Variants in CDK14 observed in about 807,000 individuals in gnomAD.
CDK14 encodes cyclin dependent kinase 14.
CDK14 carries 34 observed loss-of-function variants against 60.7 expected under a neutral mutation model. That is an observed-to-expected ratio of 0.56 (90% CI 0.43 to 0.75). The LOEUF is 0.75. CDK14 is among the 30% of genes least tolerant of loss of function. The pLI, the probability that CDK14 is intolerant of heterozygous loss-of-function variation, is 0.00. For synonymous variants in CDK14, 197 were observed against 203.7 expected, an observed-to-expected ratio of 0.97 and a Z score of 0.28; for missense variants, 482 against 564.1, an observed-to-expected ratio of 0.85 and a Z score of 1.47.
At chr7:91,087,591 T>C (rs1048706157) in intron 12 of CDK14, among the ~76,000 whole-genome samples, 8 of 152,192 alleles carry the variant, frequency 5.3e-5, no homozygotes, top group Admixed American at 5.2e-4. Flanking sequence ...TATAAATTAC[T>C]GGGTACCTTA....
intron 10 of CDK14, among the ~76,000 whole-genome samples, chr7:91,033,063 T>G (rs1004093816): frequency 6.6e-6 from 1 of 152,184 alleles, no homozygotes; most frequent in African/African-American, 2.4e-5. Context: ...CTATGTATCA[T>G]TTTGACATAC....
At chr7:90,739,889 A>G (rs542301209) in intron 3 of CDK14, among the ~76,000 whole-genome samples, 2 of 152,190 alleles carry the variant, frequency 1.3e-5, no homozygotes, top group South Asian at 2.1e-4. Flanking sequence ...GGGTGATGGT[A>G]AAGTGTGACA....
intron 11 of CDK14, among the ~76,000 whole-genome samples, chr7:91,048,449 T>G (rs1458803105): frequency 6.6e-6 from 1 of 152,234 alleles, no homozygotes; most frequent in Non-Finnish European, 1.5e-5. Context: ...TAAATATTAA[T>G]GCATTGAGTA....
chr7:90,923,366 C>A (rs1294446943), intron 8 of CDK14, among the ~76,000 whole-genome samples: 1 of 152,136 alleles, frequency 6.6e-6, no homozygotes, highest in Non-Finnish European at 1.5e-5. Flanking sequence ...ATTTCGGCCT[C>A]CCAAAATGCT....
chr7:91,120,886 G>A (rs10275530), intron 14 of CDK14, among the ~76,000 whole-genome samples: 8,252 of 152,106 alleles, frequency 0.054, 379 homozygotes, highest in East Asian at 0.23. Flanking sequence ...CCATCCAAAT[G>A]CCTCAGCATG....
Position 90,971,609 on chromosome 7 carries a change from G to A in CDK14, c.948-12539G>A, listed in dbSNP as rs187836885. Among the ~76,000 whole-genome samples, 163 of 146,064 alleles carry A rather than the reference G, an allele frequency of 1.1e-3. 1 individual carries two copies. The highest frequency in any genetic ancestry group is 4.0e-3 in the African/African-American group (156 of 39,402). On this transcript the variant is annotated intron_variant, in intron 9 of 14. Coordinates refer to ENST00000380050, the MANE Select transcript of CDK14 (RefSeq NM_001287135.2). The stretch of plus-strand genomic sequence containing the variant: ...GGAGATCAGATTGTAGAAGTATTTA[G>A]GAATACTTAGGATGTAGACAACTTG...
chr7:90,687,647 G>C (rs1801465084), intron 2 of CDK14, among the ~76,000 whole-genome samples: 1 of 152,062 alleles, frequency 6.6e-6, no homozygotes, highest in East Asian at 1.9e-4. Context: ...AGAGGGTCTT[G>C]AAAACAAGGC....
At chr7:90,890,833 C>T (rs1562815434) in intron 6 of CDK14, among the ~76,000 whole-genome samples, 1 of 152,178 alleles carries the variant, frequency 6.6e-6, no homozygotes, top group Non-Finnish European at 1.5e-5. Context: ...TTGCCTCTAG[C>T]AGTAACAGTT....
intron 5 of CDK14, among the ~76,000 whole-genome samples, chr7:90,828,594 C>G (rs1403714642): frequency 1.3e-5 from 2 of 152,062 alleles, no homozygotes; most frequent in Non-Finnish European, 2.9e-5. Flanking sequence ...CTCCAGATCT[C>G]TCACACCTCT....
chr7:90,715,611 A>G (rs1802220778), intron 2 of CDK14, among the ~76,000 whole-genome samples: 1 of 151,620 alleles, frequency 6.6e-6, no homozygotes, highest in African/African-American at 2.4e-5. Flanking sequence ...TAAACCTGTA[A>G]ATCCTGTGGG....
Position 90,636,910 on chromosome 7 carries a change from G to C in CDK14, c.123+32661G>C, listed in dbSNP as rs1180517923. Among the ~76,000 whole-genome samples the C allele has an allele frequency of 1.8e-4, 27 of 150,720 alleles. 1 individual carries two copies. The highest frequency in any genetic ancestry group is 1.8e-3 in the Admixed American group (27 of 15,148). On this transcript the variant is annotated intron_variant, in intron 2 of 14. Transcript: ENST00000380050. Reference sequence around the variant, plus strand: ...TTATCCATTTCTTCTAGATTTTCTAGTTTATTTGCATAGAGGTGTTTGTAG... The same window carrying C: ...TTATCCATTTCTTCTAGATTTTCTACTTTATTTGCATAGAGGTGTTTGTAG...
intron 4 of CDK14, among the ~76,000 whole-genome samples, chr7:90,769,967 A>G (rs529035980): frequency 1.1e-3 from 172 of 152,348 alleles, no homozygotes; most frequent in African/African-American, 4.0e-3. Flanking sequence ...AATTTTCCTC[A>G]AAGTGGCCAA....
chr7:91,115,143 A>G (rs1242282738), intron 13 of CDK14, among the ~76,000 whole-genome samples: 6 of 152,144 alleles, frequency 3.9e-5, no homozygotes, highest in Admixed American at 3.9e-4. Flanking sequence ...GTGTTACAGA[A>G]CCAGTAAATG....
chr7:90,741,351 C>T (rs1402676753), intron 3 of CDK14, among the ~76,000 whole-genome samples: 1 of 152,156 alleles, frequency 6.6e-6, no homozygotes, highest in Non-Finnish European at 1.5e-5. Flanking sequence ...GTCTGCACAG[C>T]TTTAGGCTAC....
At chr7:90,726,316 C>G in intron 2 of CDK14, 1 of 983,622 alleles carries the variant, frequency 1.0e-6, no homozygotes, top group Non-Finnish European at 1.2e-6. Context: ...TACTAGCAGC[C>G]TGGGCCTTAA....
At chr7:91,016,761 G>A (rs542415534) in intron 10 of CDK14, among the ~76,000 whole-genome samples, 16 of 152,190 alleles carry the variant, frequency 1.1e-4, no homozygotes, top group Non-Finnish European at 2.2e-4. Context: ...TTAAGGTTTC[G>A]GAACCTAGAT....
chr7:90,747,809 A>G (rs1419576072), intron 4 of CDK14, 34 bp downstream of exon 4: 2 of 1,104,086 alleles, frequency 1.8e-6, no homozygotes, highest in African/African-American at 3.3e-5. Flanking sequence ...TTTCACATGT[A>G]CAGTGTATCT....
At chr7:90,980,439 T>C (rs1448535466) in intron 9 of CDK14, among the ~76,000 whole-genome samples, 2 of 152,224 alleles carry the variant, frequency 1.3e-5, no homozygotes, top group East Asian at 3.9e-4. Context: ...AGTAAACCAT[T>C]CAGTGCAGTC....
intron 14 of CDK14, among the ~76,000 whole-genome samples, chr7:91,191,164 T>G (rs1802350005): frequency 6.6e-6 from 1 of 152,172 alleles, no homozygotes; most frequent in Non-Finnish European, 1.5e-5. Context: ...GGTCTCACTG[T>G]AGCATTGTGG....
Sources: gnomAD v4.1 joint callset for allele counts (sites outside exome capture counted in the v4.1 genomes callset) on GRCh38, gnomAD v4.1.1 for gene constraint, MANE v1.5 for transcripts, NCBI Gene and HGNC (gene_info 2026-07-23, HGNC 2026-07-21) for gene names.